Variants in TBX15 observed in about 807,000 individuals in gnomAD.
TBX15 encodes T-box transcription factor 15.
In TBX15, 18 loss-of-function variants were observed where a neutral mutation model predicts 53.9. The ratio of observed to expected loss-of-function variants is 0.33; its 90% CI spans 0.23 to 0.49. The LOEUF (loss-of-function observed/expected upper bound fraction) is 0.49, where lower values mean the gene tolerates loss of function less well. TBX15 is among the 20% of genes least tolerant of loss of function. The pLI, the probability that TBX15 is intolerant of heterozygous loss-of-function variation, is 0.98. For missense variants in TBX15, 692 were observed against 749.5 expected, an observed-to-expected ratio of 0.92 and a Z score of 0.90; for synonymous variants, 295 against 278.0, an observed-to-expected ratio of 1.06 and a Z score of -0.61.
At chr1:118,974,813 C>T (rs942536880) in intron 1 of TBX15, among the ~76,000 whole-genome samples, 5 of 152,042 alleles carry the variant, frequency 3.3e-5, no homozygotes, top group African/African-American at 1.2e-4. Flanking sequence ...GTGTACTTGC[C>T]GTGGGTCCTC....
rs1653860755 is a variant in TBX15 at position 118,884,653 on chromosome 1, G to T, written c.*79C>A. ...CGGTTCCTGTTTTTCAAAGACACTG[G>T]ACTCCCAAAGAGGAGGATCTGACCA... is the stretch of plus-strand genomic sequence containing the variant. On this transcript the variant is annotated 3_prime_UTR_variant, in exon 8 of 8. Coordinates refer to ENST00000369429, the MANE Select transcript of TBX15 (RefSeq NM_001330677.2). 1 of 1,514,326 alleles carries T rather than the reference G, an allele frequency of 6.6e-7. No homozygotes were observed. The highest frequency in any genetic ancestry group is 1.2e-5 in the South Asian group (1 of 85,888). The allele number at this position is 1,514,326 out of a possible 1,614,324, so 93.8% of individuals were successfully genotyped here.
chr1:118,893,549 G>GGAAGGAAGGAAA (rs1557872948), intron 7 of TBX15, among the ~76,000 whole-genome samples: 1 of 108,704 alleles, frequency 9.2e-6, no homozygotes, highest in Non-Finnish European at 1.7e-5. Context: ...ATGGAAGGAA[G>GGAAGGAAGGAAA]GAAGGAAGGA....
At chr1:118,912,441 G>C (rs1469698791) in intron 6 of TBX15, among the ~76,000 whole-genome samples, 1 of 151,960 alleles carries the variant, frequency 6.6e-6, no homozygotes, top group Non-Finnish European at 1.5e-5. Context: ...TGTACTTCAA[G>C]CTGAAGGTCT....
chr1:118,951,945 G>A (rs907562504), intron 1 of TBX15, among the ~76,000 whole-genome samples: 2 of 152,184 alleles, frequency 1.3e-5, no homozygotes, highest in Non-Finnish European at 2.9e-5. Flanking sequence ...ATGTAGGGCT[G>A]CAGTTGAAGT....
chr1:118,923,723 G>A, intron 4 of TBX15, 120 bp from the exon 5 acceptor site: 10 of 1,219,978 alleles, frequency 8.2e-6, no homozygotes, highest in South Asian at 1.3e-5. Context: ...GAGGTGAGAT[G>A]TACAGAAAAC....
At chr1:118,890,029 G>A (rs1270006472) in intron 7 of TBX15, among the ~76,000 whole-genome samples, 1 of 152,140 alleles carries the variant, frequency 6.6e-6, no homozygotes, top group Non-Finnish European at 1.5e-5. Context: ...CTGCGGTGTT[G>A]GCCTCTGTCT....
intron 6 of TBX15, among the ~76,000 whole-genome samples, chr1:118,904,659 G>A (rs1216588132): frequency 6.6e-6 from 1 of 152,210 alleles, no homozygotes; most frequent in African/African-American, 2.4e-5. Flanking sequence ...TGAATCAGCA[G>A]TAATGGCAGT....
chr1:118,939,037 C>T (rs941481532), intron 1 of TBX15, among the ~76,000 whole-genome samples: 6 of 151,970 alleles, frequency 3.9e-5, no homozygotes, highest in East Asian at 1.9e-4. Context: ...GCATACTATG[C>T]GACCATAAAA....
At chr1:118,981,813 T>C (rs982761929) in intron 1 of TBX15, among the ~76,000 whole-genome samples, 2 of 152,222 alleles carry the variant, frequency 1.3e-5, no homozygotes, top group Admixed American at 6.5e-5. Flanking sequence ...GACCCTAATT[T>C]ATAAATTTGC....
At chr1:118,975,523 T>C (rs573547260) in intron 1 of TBX15, among the ~76,000 whole-genome samples, 2 of 152,304 alleles carry the variant, frequency 1.3e-5, no homozygotes, top group East Asian at 3.9e-4. Context: ...ATCTAGTGGT[T>C]AAGGATATTA....
chr1:118,931,909 G>A (rs1655800830), intron 1 of TBX15, 77 bp from the exon 2 acceptor site: 1 of 1,443,904 alleles, frequency 6.9e-7, no homozygotes, highest in Non-Finnish European at 9.4e-7. Flanking sequence ...GATGGGGGTG[G>A]GAAATGCAAT....
At chr1:118,886,591 C>A (rs1353881272) in intron 7 of TBX15, among the ~76,000 whole-genome samples, 1 of 152,176 alleles carries the variant, frequency 6.6e-6, no homozygotes, top group Non-Finnish European at 1.5e-5. Flanking sequence ...GTTTTAAAAG[C>A]TCCCCCAGAT....
At position 118,899,073 on chromosome 1, in the gene TBX15, G is replaced by C; in HGVS notation, c.979C>G (p.Arg327Gly). The change falls in exon 7 of 8, where the codon CGC (arginine) becomes GGC (glycine). Residue 327 changes from arginine to glycine, a missense_variant. Around this residue, in one of 3 missense-constraint regions of TBX15, gnomAD observed 375 missense variants for 371.6 expected, o/e 1.01. Transcript: ENST00000369429. ...ETYAFWRPPV[R>G]TLTFEDFTTM... ...GTGAAGTCTTCGAAGGTGAGTGTGC[G>C]CACAGGAGGTCTCCAGAATGCATAT... The C allele has an allele frequency of 6.2e-7, 1 of 1,613,598 alleles. No homozygotes were observed. Among genetic ancestry groups the C allele is most frequent in the South Asian group, 1.1e-5 (1 of 91,070 alleles).
chr1:118,975,205 A>G (rs933889867), intron 1 of TBX15, among the ~76,000 whole-genome samples: 4 of 152,176 alleles, frequency 2.6e-5, no homozygotes, highest in Non-Finnish European at 5.9e-5. Context: ...AGTCAAAGAA[A>G]CGCAGGTCAT....
intron 2 of TBX15, 73 bp downstream of exon 2, chr1:118,931,546 G>T: frequency 6.6e-7 from 1 of 1,510,848 alleles, no homozygotes; most frequent in Non-Finnish European, 9.1e-7. Context: ...AAATAAATAA[G>T]AATGGAAGAA....
chr1:118,884,495 T>A lies in TBX15; in HGVS notation c.*237A>T, dbSNP rs1460891590. The A allele has an allele frequency of 1.8e-6, 1 of 568,396 alleles. No individual in the cohort carries two copies. Among genetic ancestry groups the A allele is most frequent in the African/African-American group, 1.9e-5 (1 of 52,606 alleles). 35.2% of individuals were successfully genotyped at this position (568,396 alleles called of 1,614,324 possible). ...TGGAACAGACAATGCTTTATAAAAC[T>A]AAGGTCTGGGAAGGCAGAAGAATGG... On this transcript the variant is annotated 3_prime_UTR_variant, in exon 8 of 8. Coordinates refer to ENST00000369429, the MANE Select transcript of TBX15 (RefSeq NM_001330677.2).
chr1:118,934,743 G>A lies in TBX15; in HGVS notation c.206-2911C>T, dbSNP rs75590744. Among the ~76,000 whole-genome samples, 34 of 152,352 alleles carry A rather than the reference G, an allele frequency of 2.2e-4. No homozygotes were observed. In the East Asian group the frequency reaches 5.4e-3, roughly 24 times the overall value. On this transcript the variant is annotated intron_variant, in intron 1 of 7. Transcript: ENST00000369429. The stretch of plus-strand genomic sequence containing the variant: ...CTCTTAGAAGTCCAGAAGAGAAAGA[G>A]ATCCAAGAGGGCTAGAACACTCCTG...
chr1:118,913,401 T>C (rs1405850862), intron 6 of TBX15, among the ~76,000 whole-genome samples: 1 of 152,164 alleles, frequency 6.6e-6, no homozygotes, highest in Non-Finnish European at 1.5e-5. Context: ...CTCCTAACTT[T>C]CCATAGGTAA....
chr1:118,932,660 G>T (rs1176344456), intron 1 of TBX15, among the ~76,000 whole-genome samples: 1 of 152,138 alleles, frequency 6.6e-6, no homozygotes, highest in Non-Finnish European at 1.5e-5. Context: ...TGGTCCAGAT[G>T]GTCCTTTCCT....
Sources: allele counts gnomAD v4.1 joint callset (sites outside exome capture counted in the v4.1 genomes callset), GRCh38; gene constraint gnomAD v4.1.1; regional missense constraint gnomAD v4.1.1; transcripts MANE v1.5; gene names NCBI Gene and HGNC (gene_info 2026-07-23, HGNC 2026-07-21).